The following DIP2C variants were observed in gnomAD, a reference collection of about 807,000 sequenced individuals.
DIP2C encodes DIP2 acetate--CoA ligase C (putative).
In DIP2C, 33 loss-of-function variants were observed where a neutral mutation model predicts 192.4. The observed-to-expected ratio is 0.17, with a 90% CI of 0.13 to 0.23. DIP2C has a LOEUF of 0.23. DIP2C is among the 10% of genes least tolerant of loss of function. The pLI is 1.00. For synonymous variants in DIP2C, 979 were observed against 864.1 expected, an observed-to-expected ratio of 1.13 and a Z score of -2.33; for missense variants, 1,537 against 2,110.1, an observed-to-expected ratio of 0.73 and a Z score of 5.32.
intron 1 of DIP2C, among the ~76,000 whole-genome samples, chr10:518,035 G>A (rs1399441217): frequency 6.6e-6 from 1 of 152,206 alleles, no homozygotes; most frequent in Non-Finnish European, 1.5e-5. Context: ...GGTGGGCGTG[G>A]GGTTGAGGGA....
intron 1 of DIP2C, among the ~76,000 whole-genome samples, chr10:488,869 G>A (rs1002221723): frequency 1.3e-5 from 2 of 152,322 alleles, no homozygotes; most frequent in Admixed American, 6.5e-5. Context: ...ACAAACTGAA[G>A]CCAGGGTGCT....
intron 1 of DIP2C, among the ~76,000 whole-genome samples, chr10:621,496 C>A (rs1040794354): frequency 6.6e-6 from 1 of 152,186 alleles, no homozygotes; most frequent in African/African-American, 2.4e-5. Context: ...TATGAGCACA[C>A]ACCCCCCAGG....
intron 1 of DIP2C, among the ~76,000 whole-genome samples, chr10:535,202 A>AC (rs1847633307): frequency 6.6e-6 from 1 of 152,004 alleles, no homozygotes; most frequent in African/African-American, 2.4e-5. Context: ...AGAAGGTGGC[A>AC]CCTGCCCTAG....
At chr10:375,482 A>T (rs930922228) in intron 17 of DIP2C, among the ~76,000 whole-genome samples, 1 of 152,208 alleles carries the variant, frequency 6.6e-6, no homozygotes, top group Non-Finnish European at 1.5e-5. Flanking sequence ...AACAATGCAA[A>T]CACACCAACA....
At chr10:581,958 C>A (rs954989182) in intron 1 of DIP2C, among the ~76,000 whole-genome samples, 2 of 152,108 alleles carry the variant, frequency 1.3e-5, no homozygotes, top group African/African-American at 4.8e-5. Flanking sequence ...TGAAACCGTT[C>A]CACCTCAGGT....
chr10:526,673 G>A (rs1847074394), intron 1 of DIP2C, among the ~76,000 whole-genome samples: 1 of 152,202 alleles, frequency 6.6e-6, no homozygotes, highest in Admixed American at 6.5e-5. Flanking sequence ...TGGGTCTCCT[G>A]ATCTAAGGAC....
Position 345,039 on chromosome 10 carries a change from C to T in DIP2C, c.3303G>A (p.Ala1101=), listed in dbSNP as rs759847812. ...CKLLRSREAA[A]AVDVRTWPLI... ...GGGGCCACGTCCTGACGTCCACAGC[C>T]GCCGCCGCCTCCCTGGACCGCAGCA... The change falls in exon 27 of 37, where the codon GCG becomes GCA. Residue 1101 remains alanine, a synonymous_variant. Transcript: ENST00000280886. 2.5e-5 allele frequency: 41 copies of T among 1,612,754 alleles called. No homozygotes were observed. The highest frequency in any genetic ancestry group is 3.3e-5 in the Admixed American group (2 of 59,924).
chr10:395,175 T>C (rs956755637), intron 10 of DIP2C, among the ~76,000 whole-genome samples: 4 of 145,322 alleles, frequency 2.8e-5, no homozygotes, highest in African/African-American at 7.7e-5. Flanking sequence ...TGGGGAGATG[T>C]TGGTCAGAAG....
intron 1 of DIP2C, among the ~76,000 whole-genome samples, chr10:489,971 C>T (rs561154157): frequency 2.7e-5 from 1 of 37,000 alleles, no homozygotes; most frequent in South Asian, 1.4e-3. Flanking sequence ...CCCGAGCCTT[C>T]CTCCATTTCA....
intron 17 of DIP2C, among the ~76,000 whole-genome samples, chr10:377,744 C>T (rs1007236029): frequency 7.2e-5 from 11 of 152,146 alleles, no homozygotes; most frequent in African/African-American, 2.4e-4. Context: ...CCTGCGGACA[C>T]GTCTTCTTTG....
intron 1 of DIP2C, among the ~76,000 whole-genome samples, chr10:533,219 G>GAGAA (rs1022269663): frequency 2.0e-5 from 3 of 152,148 alleles, no homozygotes; most frequent in Admixed American, 6.5e-5. Context: ...GGTATGAGGA[G>GAGAA]AGAAAGAAAG....
intron 1 of DIP2C, among the ~76,000 whole-genome samples, chr10:570,512 C>T (rs1849723910): frequency 6.6e-6 from 1 of 152,162 alleles, no homozygotes; most frequent in African/African-American, 2.4e-5. Flanking sequence ...CAGTTTCCCG[C>T]AGCCCAGAGG....
intron 3 of DIP2C, among the ~76,000 whole-genome samples, chr10:470,462 G>A (rs1221012046): frequency 6.6e-6 from 1 of 151,942 alleles, no homozygotes; most frequent in Non-Finnish European, 1.5e-5. Flanking sequence ...TGCCTTTGAA[G>A]AGGTGAGGTA....
chr10:631,219 T>A (rs1177970231), intron 1 of DIP2C: 1 of 152,260 alleles, frequency 6.6e-6, no homozygotes, highest in Non-Finnish European at 1.5e-5. Context: ...TTATTTTAAT[T>A]GTTAATTTAA....
intron 32 of DIP2C, among the ~76,000 whole-genome samples, chr10:307,592 G>A (rs11251599): frequency 0.17 from 25,080 of 151,998 alleles, 2,537 homozygotes; most frequent in African/African-American, 0.27. Flanking sequence ...TCTCTGCAGT[G>A]GGGGGGTAAG....
chr10:492,240 TCTCTCCCCAAACTGCGTTGGAGGC>T (rs1486038712), intron 1 of DIP2C, among the ~76,000 whole-genome samples: 1 of 152,116 alleles, frequency 6.6e-6, no homozygotes, highest in African/African-American at 2.4e-5. Context: ...GTGGTGAGCC[TCTCTCCCCAAACTGCGTTGGAGGC>T]TTCTCCCTGC....
intron 1 of DIP2C, among the ~76,000 whole-genome samples, chr10:492,924 G>A (rs1052494774): frequency 4.6e-5 from 7 of 152,234 alleles, no homozygotes; most frequent in African/African-American, 1.4e-4. Flanking sequence ...ATAAGCTTCT[G>A]ATGTTAAAAG....
chr10:418,152 A>G (rs1276251051), intron 6 of DIP2C, among the ~76,000 whole-genome samples: 1 of 49,692 alleles, frequency 2.0e-5, no homozygotes, highest in Non-Finnish European at 3.4e-5. Context: ...TGCACCTGTC[A>G]GAGCTCGGAC....
intron 1 of DIP2C, among the ~76,000 whole-genome samples, chr10:615,595 G>A (rs1026215489): frequency 3.3e-5 from 5 of 151,918 alleles, no homozygotes; most frequent in African/African-American, 1.2e-4. Context: ...TCGGATGCCA[G>A]AAGAGATGTA....
Sources: gnomAD v4.1 joint callset for allele counts (sites outside exome capture counted in the v4.1 genomes callset) on GRCh38, gnomAD v4.1.1 for gene constraint, MANE v1.5 for transcripts, NCBI Gene and HGNC (gene_info 2026-07-23, HGNC 2026-07-21) for gene names.